TEAD3: variants seen among roughly 807,000 people sequenced by gnomAD.
TEAD3 encodes TEA domain transcription factor 3.
A neutral mutation model predicts 55.6 loss-of-function variants in TEAD3; 15 were observed. The ratio of observed to expected loss-of-function variants is 0.27; its 90% CI spans 0.18 to 0.42. The LOEUF is 0.42. Among genes scored for constraint, TEAD3 ranks in the 10% least tolerant of loss-of-function variants. The pLI, the probability that TEAD3 is intolerant of heterozygous loss-of-function variation, is 1.00. For synonymous variants in TEAD3, 210 were observed against 232.2 expected (o/e 0.90, Z 0.87); for missense variants, 407 against 576.8 (o/e 0.71, Z 3.01).
downstream of TEAD3, chr6:35,473,693 G>A (rs533860721): frequency 7.9e-5 from 11 of 139,600 alleles, no homozygotes; most frequent in African/African-American, 3.1e-4. Context: ...CCAACCCCAA[G>A]CTGCATTTAT....
chr6:35,478,781 C>T (rs946795684), intron 5 of TEAD3, among the ~76,000 whole-genome samples: 4 of 152,144 alleles, frequency 2.6e-5, no homozygotes, highest in African/African-American at 7.2e-5. Context: ...TGCCCATCAC[C>T]GCTGACCACA....
At position 35,491,904 on chromosome 6, in the gene TEAD3, C is replaced by T. The variant is rs548757926; in HGVS notation, c.-50+4994G>A. On this transcript the variant is annotated intron_variant, in intron 1 of 12. Transcript: ENST00000639578. This position sits in a 1 kb window ranked among gnomAD's most constrained non-coding sequence, Gnocchi z 4.4. The stretch of plus-strand genomic sequence containing the variant: ...GATCAGGCTGGAGCTGGGGCCGCTG[C>T]AGAGGCCCTGGTCCCCCACCCCCAC... Among the ~76,000 whole-genome samples, 9 of 152,298 alleles carry T rather than the reference C, an allele frequency of 5.9e-5. No individual in the cohort carries two copies. In the East Asian group the frequency reaches 1.5e-3, roughly 26 times the overall value.
chr6:35,490,560 G>T (rs1581729460), intron 1 of TEAD3, among the ~76,000 whole-genome samples: 1 of 152,216 alleles, frequency 6.6e-6, no homozygotes, highest in Non-Finnish European at 1.5e-5. Flanking sequence ...GGACAACCAC[G>T]TGAGAATGTG....
At chr6:35,482,962 C>T (rs1010681090) in intron 3 of TEAD3, among the ~76,000 whole-genome samples, 1 of 152,214 alleles carries the variant, frequency 6.6e-6, no homozygotes, top group African/African-American at 2.4e-5. Flanking sequence ...AGCGCTTACG[C>T]TGTTCTAAGA....
Position 35,478,905 on chromosome 6 carries a change from A to C in TEAD3, c.343-334T>G, listed in dbSNP as rs541782573. On this transcript the variant is annotated intron_variant, in intron 5 of 12. Coordinates refer to ENST00000639578, the Ensembl canonical transcript of TEAD3. ...TTTTTTTTTTTTTTTTTTGAGACGG[A>C]GTCTCGCTCTGTCACCCAGGCTAGA... Among the ~76,000 whole-genome samples the C allele has an allele frequency of 1.9e-4, 24 of 124,584 alleles. No homozygotes were observed. The Admixed American group carries it at 2.0e-3, about 11-fold the overall frequency. 81.7% of individuals were successfully genotyped at this position (124,584 alleles called of 152,430 possible). A position where few individuals can be genotyped will look rare whatever the true frequency, so the allele number is the denominator to read the frequency against.
At chr6:35,494,260 G>C (rs538322198) in intron 1 of TEAD3, among the ~76,000 whole-genome samples, 31 of 152,356 alleles carry the variant, frequency 2.0e-4, no homozygotes, top group African/African-American at 6.3e-4. Flanking sequence ...CTGGCAGGGA[G>C]CACAGGAAAC....
Position 35,484,641 on chromosome 6 carries a change from G to C in TEAD3, c.203-17C>G. ...CATTTCGGCCTAGATTGGGGTGAGA[G>C]AGAAAATGAGGAGTGGGCAAAGGGT... On this transcript the variant is annotated splice_polypyrimidine_tract_variant and intron_variant, in intron 2 of 12. Coordinates refer to ENST00000639578, the Ensembl canonical transcript of TEAD3. The surrounding 1 kb of genome is among the most constrained non-coding windows in gnomAD (Gnocchi z 5.8). 3 of 1,581,122 alleles carry C rather than the reference G, an allele frequency of 1.9e-6. No homozygotes were observed. The highest frequency in any genetic ancestry group is 2.6e-6 in the Non-Finnish European group (3 of 1,163,084).
intron 4 of TEAD3, chr6:35,479,955 G>C (rs1768232113): frequency 1.9e-6 from 2 of 1,029,360 alleles, no homozygotes; most frequent in Non-Finnish European, 2.7e-6. Flanking sequence ...CCCCCTCACA[G>C]CTTCTCAGCC....
intron 3 of TEAD3, among the ~76,000 whole-genome samples, chr6:35,481,495 CCTCA>C (rs1444273397): frequency 6.6e-6 from 1 of 152,194 alleles, no homozygotes; most frequent in Non-Finnish European, 1.5e-5. Flanking sequence ...CCTCACACTG[CCTCA>C]CTGAGCCCAG....
At chr6:35,482,911 A>C (rs1768292684) in intron 3 of TEAD3, among the ~76,000 whole-genome samples, 1 of 152,170 alleles carries the variant, frequency 6.6e-6, no homozygotes, top group African/African-American at 2.4e-5. Context: ...GTTTATAATA[A>C]TGTCTGGAAT....
rs758902471 is a variant in TEAD3, at chr6:35,475,082, C to T, written c.1270G>A (p.Gly424Arg). 1.3e-6 allele frequency: 2 copies of T among 1,597,804 alleles called. No homozygotes were observed. Among genetic ancestry groups the T allele is most frequent in the Non-Finnish European group, 8.5e-7 (1 of 1,171,950 alleles). The change falls in exon 13 of 13, where the codon GGG becomes AGG. Residue 424 changes from glycine (G) to arginine (R), a missense_variant. Transcript: ENST00000639578. This position sits in a 1 kb window ranked among gnomAD's most constrained non-coding sequence, Gnocchi z 5.4. ...AGCTTGTAGACATGGTGCTGGGCCC[C>T]GTGCTCACTGGTGGAGACTTCGAAG...
chr6:35,480,411 A>AC, intron 3 of TEAD3, 37 bp from the exon 4 acceptor site: 1 of 1,611,180 alleles, frequency 6.2e-7, no homozygotes, highest in Non-Finnish European at 8.5e-7. Context: ...AGAGGAAAAC[A>AC]TAGACAGTGA....
At chr6:35,490,165 C>T (rs950567733) in intron 1 of TEAD3, among the ~76,000 whole-genome samples, 1 of 152,218 alleles carries the variant, frequency 6.6e-6, no homozygotes, top group African/African-American at 2.4e-5. Context: ...AGTCCCTGCC[C>T]GCCTCCCCTC....
intron 1 of TEAD3, among the ~76,000 whole-genome samples, chr6:35,493,247 GT>G (rs1377427402): frequency 6.6e-6 from 1 of 152,274 alleles, no homozygotes; most frequent in East Asian, 1.9e-4. Flanking sequence ...ATTTCTAAGT[GT>G]ACAATTGAGA....
chr6:35,487,060 TAAC>T (rs2150915312), intron 1 of TEAD3, among the ~76,000 whole-genome samples: 1 of 152,344 alleles, frequency 6.6e-6, no homozygotes, highest in South Asian at 2.1e-4. Flanking sequence ...AGGTAATCGG[TAAC>T]AACAATGCCT....
rs938952416 is a variant in TEAD3, at chr6:35,484,480, C to A, written c.267+80G>T. 1.4e-6 allele frequency: 2 copies of A among 1,401,328 alleles called. No individual in the cohort carries two copies. The highest frequency in any genetic ancestry group is 2.0e-5 in the Admixed American group (1 of 50,762). The allele number at this position is 1,401,328 out of a possible 1,614,324, so 86.8% of individuals were successfully genotyped here. ...TCAGGGGCAGCCTCGAGGAGGTGGG[C>A]AGGGTAGGGGCAAGGGGTTGACCGG... On this transcript the variant is annotated intron_variant, in intron 3 of 12. Transcript: ENST00000639578. This position sits in a 1 kb window ranked among gnomAD's most constrained non-coding sequence, Gnocchi z 5.8.
chr6:35,491,100 A>T lies in TEAD3; in HGVS notation c.-49-4389T>A, dbSNP rs1768506278. Among the ~76,000 whole-genome samples the T allele has an allele frequency of 1.3e-5, 2 of 152,056 alleles. No homozygotes were observed. Among genetic ancestry groups the T allele is most frequent in the African/African-American group, 4.8e-5 (2 of 41,440 alleles). On this transcript the variant is annotated intron_variant, in intron 1 of 12. Coordinates refer to ENST00000639578, the Ensembl canonical transcript of TEAD3. The surrounding 1 kb of genome is among the most constrained non-coding windows in gnomAD (Gnocchi z 4.4). The stretch of plus-strand genomic sequence containing the variant: ...TGAGGTGAACCCAGAGAGAAAACAG[A>T]CCAGAGACAGGAGAGTCCCAGTGAG...
chr6:35,487,723 A>C (rs1198026764), intron 1 of TEAD3, among the ~76,000 whole-genome samples: 3 of 151,974 alleles, frequency 2.0e-5, no homozygotes, highest in African/African-American at 7.3e-5. Context: ...CCTTGTCTCA[A>C]AAAAAAACAA....
chr6:35,494,734 T>C (rs1768603749), intron 1 of TEAD3, among the ~76,000 whole-genome samples: 2 of 151,888 alleles, frequency 1.3e-5, no homozygotes, highest in African/African-American at 4.8e-5. Context: ...CCCACAGGTG[T>C]CTGGGAGTGG....
Sources: allele counts gnomAD v4.1 joint callset (sites outside exome capture counted in the v4.1 genomes callset), GRCh38; gene constraint gnomAD v4.1.1; non-coding constraint Gnocchi (gnomAD v3.1); transcripts MANE v1.5; gene names NCBI Gene and HGNC (gene_info 2026-07-23, HGNC 2026-07-21).